The following SLC24A2 variants were observed in gnomAD, a reference collection of about 807,000 sequenced individuals.
SLC24A2 encodes solute carrier family 24 member 2, also known as sodium/potassium/calcium exchanger 2.
In SLC24A2, 36 loss-of-function variants were observed where a neutral mutation model predicts 62.0. The ratio of observed to expected loss-of-function variants is 0.58; its 90% CI spans 0.44 to 0.77. The LOEUF (loss-of-function observed/expected upper bound fraction) is 0.77, where lower values mean the gene tolerates loss of function less well. SLC24A2 is among the 30% of genes least tolerant of loss of function. The probability of loss-of-function intolerance (pLI) is 0.00; values close to 1 mark genes in which losing one functional copy is unlikely to be tolerated. For missense variants in SLC24A2, 846 were observed against 817.9 expected, an observed-to-expected ratio of 1.03 and a Z score of -0.42; for synonymous variants, 358 against 294.0, an observed-to-expected ratio of 1.22 and a Z score of -2.23.
the SLC24A2 span, among the ~76,000 whole-genome samples, chr9:19,885,527 C>G: frequency 6.6e-6 from 1 of 152,172 alleles, no homozygotes; most frequent in Non-Finnish European, 1.5e-5. Context: ...GATGAGGAAA[C>G]AAGCTCAGAG....
At chr9:20,251,078 A>C in the SLC24A2 span, among the ~76,000 whole-genome samples, 86 of 152,194 alleles carry the variant, frequency 5.7e-4, no homozygotes, top group African/African-American at 2.0e-3. Context: ...GCCCATAGAG[A>C]AGAAGGCAGT....
chr9:20,184,289 C>G, the SLC24A2 span, among the ~76,000 whole-genome samples: 1 of 152,174 alleles, frequency 6.6e-6, no homozygotes, highest in Non-Finnish European at 1.5e-5. Context: ...GAGGCTCACG[C>G]CTGTTAATCC....
At chr9:19,558,125 T>C (rs753328040) in intron 7 of SLC24A2, among the ~76,000 whole-genome samples, 41 of 152,164 alleles carry the variant, frequency 2.7e-4, no homozygotes, top group Non-Finnish European at 8.8e-5. Context: ...AAAAAGCTGA[T>C]AAGAAACATC....
chr9:19,971,809 G>C, the SLC24A2 span, among the ~76,000 whole-genome samples: 1 of 152,118 alleles, frequency 6.6e-6, no homozygotes, highest in Non-Finnish European at 1.5e-5. Context: ...TGAGCAGGTT[G>C]CTTATTATGT....
At chr9:19,709,876 T>C (rs925915574) in intron 2 of SLC24A2, among the ~76,000 whole-genome samples, 1 of 151,782 alleles carries the variant, frequency 6.6e-6, no homozygotes, top group Admixed American at 6.6e-5. Context: ...ATTGTGCACA[T>C]GTACCCTAAA....
chr9:19,807,563 T>C, the SLC24A2 span, among the ~76,000 whole-genome samples: 275 of 152,256 alleles, frequency 1.8e-3, 1 homozygote, highest in African/African-American at 5.9e-3. Flanking sequence ...AATCAAAATA[T>C]AAAAGGGTTA....
chr9:20,291,385 A>T, the SLC24A2 span, among the ~76,000 whole-genome samples: 1 of 152,240 alleles, frequency 6.6e-6, no homozygotes, highest in Non-Finnish European at 1.5e-5. Flanking sequence ...ACAGAGAGGC[A>T]TGAACAAAGA....
At chr9:19,706,429 G>A (rs1361767117) in intron 2 of SLC24A2, among the ~76,000 whole-genome samples, 1 of 149,604 alleles carries the variant, frequency 6.7e-6, no homozygotes, top group African/African-American at 2.5e-5. Flanking sequence ...GCCCATGCTG[G>A]AGTGCAGTGG....
At chr9:20,125,270 CCT>C in the SLC24A2 span, among the ~76,000 whole-genome samples, 2 of 151,938 alleles carry the variant, frequency 1.3e-5, no homozygotes, top group South Asian at 2.1e-4. Flanking sequence ...CCTATTATGA[CCT>C]GGATATATGT....
chr9:20,097,724 T>A, the SLC24A2 span, among the ~76,000 whole-genome samples: 2 of 15,968 alleles, frequency 1.3e-4, no homozygotes, highest in African/African-American at 4.2e-4. Context: ...TAAATAATTT[T>A]TTTTTTTTTT....
the SLC24A2 span, among the ~76,000 whole-genome samples, chr9:19,829,005 C>T: frequency 4.6e-5 from 7 of 152,126 alleles, no homozygotes; most frequent in Admixed American, 2.0e-4. Context: ...ATTCCCAGAC[C>T]GACTGGCTTC....
At chr9:20,171,893 C>T in the SLC24A2 span, among the ~76,000 whole-genome samples, 1 of 151,962 alleles carries the variant, frequency 6.6e-6, no homozygotes, top group Non-Finnish European at 1.5e-5. Context: ...ACATTCTACC[C>T]AACAACCACA....
In SLC24A2 at chr9:19,589,012, T is replaced by C. The variant is rs543418711; in HGVS notation, c.1129+8217A>G. Among the ~76,000 whole-genome samples the C allele has an allele frequency of 8.5e-5, 13 of 152,312 alleles. No homozygotes were observed. In the South Asian group the frequency reaches 2.3e-3, roughly 27 times the overall value. Reference sequence around the variant, plus strand: ...CTGCAATTCATTGTTAGTGTGAGCATAAATTGGTGCAATTGTTTTGGAGGG... The same window carrying C: ...CTGCAATTCATTGTTAGTGTGAGCACAAATTGGTGCAATTGTTTTGGAGGG... On this transcript the variant is annotated intron_variant, in intron 5 of 10. Transcript: ENST00000341998.
chr9:19,623,445 A>T (rs1012908894), intron 2 of SLC24A2, among the ~76,000 whole-genome samples: 1 of 152,208 alleles, frequency 6.6e-6, no homozygotes, highest in African/African-American at 2.4e-5. Context: ...CACACCTACC[A>T]TGTAAAGATA....
At chr9:20,003,025 G>A in the SLC24A2 span, among the ~76,000 whole-genome samples, 1 of 152,146 alleles carries the variant, frequency 6.6e-6, no homozygotes, top group African/African-American at 2.4e-5. Context: ...AAGGGGACCT[G>A]TACTAGGCCC....
intron 2 of SLC24A2, among the ~76,000 whole-genome samples, chr9:19,706,505 G>A (rs868338529): frequency 9.2e-4 from 139 of 151,182 alleles, no homozygotes; most frequent in African/African-American, 3.2e-3. Flanking sequence ...TCAGCCTCCC[G>A]TGTAGCTGGG....
chr9:20,097,474 T>C, the SLC24A2 span, among the ~76,000 whole-genome samples: 5 of 152,142 alleles, frequency 3.3e-5, no homozygotes, highest in African/African-American at 9.7e-5. Context: ...TGGGAGTCAA[T>C]TTAATGAAGA....
chr9:19,521,545 G>A (rs1833199918), intron 9 of SLC24A2, among the ~76,000 whole-genome samples: 1 of 152,208 alleles, frequency 6.6e-6, no homozygotes, highest in Non-Finnish European at 1.5e-5. Flanking sequence ...ACTTCAAGAT[G>A]CTATAATTTC....
At chr9:19,901,268 C>A in the SLC24A2 span, among the ~76,000 whole-genome samples, 1 of 152,192 alleles carries the variant, frequency 6.6e-6, no homozygotes, top group African/African-American at 2.4e-5. Flanking sequence ...GAGTTTAAGA[C>A]TTCCTGGGTG....
Sources: gnomAD v4.1 joint callset for allele counts (sites outside exome capture counted in the v4.1 genomes callset) on GRCh38, gnomAD v4.1.1 for gene constraint, MANE v1.5 for transcripts, NCBI Gene and HGNC (gene_info 2026-07-23, HGNC 2026-07-21) for gene names.